The following SLC24A4 variants were observed in gnomAD, a reference collection of about 807,000 sequenced individuals.
SLC24A4 encodes sodium/potassium/calcium exchanger 4.
In SLC24A4, 53 loss-of-function variants were observed where a neutral mutation model predicts 79.0. The ratio of observed to expected loss-of-function variants is 0.67; its 90% CI spans 0.54 to 0.84. SLC24A4 has a LOEUF of 0.84. Among genes scored for constraint, SLC24A4 ranks in the 40% least tolerant of loss-of-function variants. The pLI is 0.00. For synonymous variants in SLC24A4, 323 were observed against 323.8 expected, an observed-to-expected ratio of 1.00 and a Z score of 0.03; for missense variants, 731 against 822.0, an observed-to-expected ratio of 0.89 and a Z score of 1.35.
chr14:92,359,601 GA>G lies in SLC24A4; in HGVS notation c.241+33633del, dbSNP rs200955823. 8.4e-5 allele frequency among the ~76,000 whole-genome samples: 12 copies of G among 143,164 alleles called. No homozygotes were observed. In the East Asian group the frequency reaches 1.0e-3, roughly 12 times the overall value. The allele number at this position is 143,164 out of a possible 152,430, so 93.9% of individuals were successfully genotyped here. A position where few individuals can be genotyped will look rare whatever the true frequency, so the allele number is the denominator to read the frequency against. Reference sequence around the variant, plus strand: ...GGGACTGTGAGACTTCATTTCAAAAGAAAAAAAAAAGATCAAGCATTACCAC... The same window carrying G: ...GGGACTGTGAGACTTCATTTCAAAAGAAAAAAAAAGATCAAGCATTACCAC... On this transcript the variant is annotated intron_variant, in intron 2 of 16. Coordinates refer to ENST00000532405, the MANE Select transcript of SLC24A4 (RefSeq NM_153646.4).
chr14:92,351,669 C>A (rs193136906), intron 2 of SLC24A4, among the ~76,000 whole-genome samples: 1 of 151,700 alleles, frequency 6.6e-6, no homozygotes, highest in African/African-American at 2.4e-5. Flanking sequence ...CCAGCCTGGC[C>A]GACATGGTGA....
rs928176048 is a variant in SLC24A4 at position 92,493,778 on chromosome 14, G to C, written c.*150G>C. 11 of 967,426 alleles carry C rather than the reference G, an allele frequency of 1.1e-5. No individual in the cohort carries two copies. Among genetic ancestry groups the C allele is most frequent in the African/African-American group, 3.3e-5 (2 of 60,722 alleles). 59.9% of individuals were successfully genotyped at this position (967,426 alleles called of 1,614,324 possible). On this transcript the variant is annotated 3_prime_UTR_variant, in exon 17 of 17. Coordinates refer to ENST00000532405, the MANE Select transcript of SLC24A4 (RefSeq NM_153646.4). Reference sequence around the variant, plus strand: ...GGAAGGAAGAGCCATCGTGGTCTTTGTCTGGCCACAGGCCAGGCTGCTGGG... The same window carrying C: ...GGAAGGAAGAGCCATCGTGGTCTTTCTCTGGCCACAGGCCAGGCTGCTGGG...
chr14:92,400,542 C>G (rs1890061528), intron 2 of SLC24A4, among the ~76,000 whole-genome samples: 1 of 151,830 alleles, frequency 6.6e-6, no homozygotes, highest in Admixed American at 6.6e-5. Flanking sequence ...CTAAGAAGCT[C>G]TGGACACAGT....
At chr14:92,452,539 G>A (rs1484544946) in intron 10 of SLC24A4, 2 of 152,056 alleles carry the variant, frequency 1.3e-5, no homozygotes, top group South Asian at 2.1e-4. Flanking sequence ...TGGCATCTTC[G>A]CCACCACCAA....
At chr14:92,412,086 C>T (rs1476200597) in intron 2 of SLC24A4, among the ~76,000 whole-genome samples, 1 of 152,186 alleles carries the variant, frequency 6.6e-6, no homozygotes, top group East Asian at 1.9e-4. Flanking sequence ...CAGCCAGTCT[C>T]CCTCTACAGA....
Position 92,325,934 on chromosome 14 carries a change from C to T in SLC24A4, c.197C>T (p.Ala66Val). Residue 66 changes from alanine to valine, a missense_variant, in exon 2 of 17, where the codon GCC becomes GTC. Physicochemically the swap from Ala to Val is moderately conservative, Grantham distance 64 (BLOSUM62 0). Transcript: ENST00000532405. Reference protein sequence around the residue: ...PDTWRNRKLMAPVNGTQTAKN... With the variant: ...PDTWRNRKLMVPVNGTQTAKN... ...ACGTGGAGAAATAGAAAGTTGATGG[C>T]CCCAGTGAATGGGACACAGACAGCC... is the stretch of plus-strand genomic sequence containing the variant. 1.9e-6 allele frequency: 3 copies of T among 1,612,764 alleles called. No individual in the cohort carries two copies. Among genetic ancestry groups the T allele is most frequent in the Non-Finnish European group, 2.5e-6 (3 of 1,179,332 alleles).
intron 2 of SLC24A4, among the ~76,000 whole-genome samples, chr14:92,368,387 A>G (rs746157766): frequency 2.6e-5 from 4 of 152,152 alleles, no homozygotes; most frequent in Non-Finnish European, 4.4e-5. Flanking sequence ...CATTTAGGAG[A>G]TTTGGATAAT....
rs1184050377 is a variant in SLC24A4 at position 92,454,141 on chromosome 14, C to T, written c.1050+72C>T. The stretch of plus-strand genomic sequence containing the variant: ...GAGGCCTTGGCTTGTTAGGGCTCTT[C>T]CTGGTGCCATTGATCACTGCACCTG... On this transcript the variant is annotated intron_variant, in intron 11 of 16. Coordinates refer to ENST00000532405, the MANE Select transcript of SLC24A4 (RefSeq NM_153646.4). 3 of 1,492,764 alleles carry T rather than the reference C, an allele frequency of 2.0e-6. No individual in the cohort carries two copies. The African/African-American group carries it at 4.2e-5, about 21-fold the overall frequency. 92.5% of individuals were successfully genotyped at this position (1,492,764 alleles called of 1,614,324 possible).
chr14:92,355,109 A>G (rs576356432), intron 2 of SLC24A4, among the ~76,000 whole-genome samples: 2 of 152,166 alleles, frequency 1.3e-5, no homozygotes, highest in African/African-American at 4.8e-5. Context: ...CAACAACACA[A>G]ATGTTAGATG....
At chr14:92,369,496 G>A (rs1407848656) in intron 2 of SLC24A4, among the ~76,000 whole-genome samples, 2 of 152,186 alleles carry the variant, frequency 1.3e-5, no homozygotes, top group Non-Finnish European at 2.9e-5. Context: ...AGACTGTGGA[G>A]ACAGGACCAC....
In SLC24A4 at chr14:92,449,077, C is replaced by A; in HGVS notation, c.741C>A (p.Tyr247Ter). 1 of 1,614,122 alleles carries A rather than the reference C, an allele frequency of 6.2e-7. No homozygotes were observed. The highest frequency in any genetic ancestry group is 2.2e-5 in the East Asian group (1 of 44,876). The change falls in exon 10 of 17, where the codon TAC becomes TAA. Residue 247 changes from tyrosine (Y) to a stop codon, truncating the protein, a stop_gained. Coordinates refer to ENST00000532405, the MANE Select transcript of SLC24A4 (RefSeq NM_153646.4). LOFTEE classifies it high-confidence loss of function. The stretch of plus-strand genomic sequence containing the variant: ...TCCTGCCTCCCCTCGCTTCCAGGTA[C>A]AATGTGAAGATGCAAGCCTTTTTCA... ...LYVFYILIMK[Y>*]NVKMQAFFTV...
intron 15 of SLC24A4, 143 bp from the exon 16 acceptor site, chr14:92,492,032 G>T (rs1054981066): frequency 1.7e-5 from 13 of 770,778 alleles, no homozygotes; most frequent in Non-Finnish European, 2.8e-5. Flanking sequence ...GTATTTTCCT[G>T]ACCCTCCACG....
chr14:92,323,866 T>A lies in SLC24A4; in HGVS notation c.36T>A (p.Val12=). Residue 12 remains valine (V), a synonymous_variant, in exon 1 of 17, where the codon GTT becomes GTA. Transcript: ENST00000532405. This position sits in a 1 kb window ranked among gnomAD's most constrained non-coding sequence, Gnocchi z 4.9. The part of the protein sequence containing the change: ...ALRGTLRPLK[V]RRRREMLPQQ... ...GCGGGACCCTCCGGCCGCTCAAAGT[T>A]CGCAGGAGGCGAGAGATGCTGCCGC... 6.2e-7 allele frequency: 1 copy of A among 1,600,496 alleles called. No homozygotes were observed. Among genetic ancestry groups the A allele is most frequent in the Non-Finnish European group, 8.5e-7 (1 of 1,178,624 alleles).
At chr14:92,463,547 C>T (rs17128328) in intron 12 of SLC24A4, among the ~76,000 whole-genome samples, 6,717 of 152,164 alleles carry the variant, frequency 0.044, 366 homozygotes, top group East Asian at 0.18. Context: ...AAGTCAAGGT[C>T]AGAATTTTAA....
chr14:92,388,430 C>T (rs867324562), intron 2 of SLC24A4, among the ~76,000 whole-genome samples: 2 of 152,108 alleles, frequency 1.3e-5, no homozygotes, highest in South Asian at 2.1e-4. Flanking sequence ...TTCCTTGCCA[C>T]GTCCTCTGTG....
At chr14:92,445,456 T>A in intron 8 of SLC24A4, 114 bp downstream of exon 8, 1 of 1,154,930 alleles carries the variant, frequency 8.7e-7, no homozygotes, top group Non-Finnish European at 1.2e-6. Context: ...TTAAGCTTAT[T>A]AACTTGTGAA....
At position 92,441,711 on chromosome 14, in the gene SLC24A4, C is replaced by T. The variant is rs183733492; in HGVS notation, c.394-378C>T. 8.4e-4 allele frequency among the ~76,000 whole-genome samples: 128 copies of T among 152,340 alleles called. 1 individual carries two copies. The highest frequency in any genetic ancestry group is 5.9e-5 in the Non-Finnish European group (4 of 68,030). ...CGGTGAGGGAAGGCAAGCGTGTGGA[C>T]CACAAACCCTCATGTGAAATTCACG... On this transcript the variant is annotated intron_variant, in intron 4 of 16. Transcript: ENST00000532405. The surrounding 1 kb of genome is among the most constrained non-coding windows in gnomAD (Gnocchi z 4.6).
chr14:92,400,097 G>A (rs1890015873), intron 2 of SLC24A4, among the ~76,000 whole-genome samples: 1 of 152,062 alleles, frequency 6.6e-6, no homozygotes. Flanking sequence ...TAGAATTGGT[G>A]GTGTTCTGTT....
chr14:92,482,213 C>T (rs1895101741), intron 12 of SLC24A4, among the ~76,000 whole-genome samples: 1 of 152,272 alleles, frequency 6.6e-6, no homozygotes, highest in Non-Finnish European at 1.5e-5. Flanking sequence ...AAGCACTTAG[C>T]ACTGTGCCTG....
Sources: allele counts gnomAD v4.1 joint callset (sites outside exome capture counted in the v4.1 genomes callset), GRCh38; gene constraint gnomAD v4.1.1; non-coding constraint Gnocchi (gnomAD v3.1); transcripts MANE v1.5; gene names NCBI Gene and HGNC (gene_info 2026-07-23, HGNC 2026-07-21).